Variants in APBB1IP observed in about 807,000 individuals in gnomAD.
APBB1IP encodes the protein amyloid beta precursor protein binding family B member 1 interacting protein.
Under a neutral mutation model 64.9 loss-of-function variants are expected in APBB1IP, and 27 were observed. The ratio of observed to expected loss-of-function variants is 0.42; its 90% CI spans 0.31 to 0.57. APBB1IP has a LOEUF of 0.57. Ranked by LOEUF, APBB1IP falls within the 20% of genes least tolerant of loss-of-function variation. The pLI, the probability that APBB1IP is intolerant of heterozygous loss-of-function variation, is 0.20. For synonymous variants in APBB1IP, 392 were observed against 331.0 expected, an observed-to-expected ratio of 1.18 and a Z score of -2.00; for missense variants, 812 against 845.5, an observed-to-expected ratio of 0.96 and a Z score of 0.49.
intron 8 of APBB1IP, among the ~76,000 whole-genome samples, chr10:26,529,986 A>G (rs1836528307): frequency 6.6e-6 from 1 of 152,158 alleles, no homozygotes; most frequent in South Asian, 2.1e-4. Flanking sequence ...AGTTCATCAT[A>G]CGTGATTCAA....
At chr10:26,543,044 A>C (rs192674935) in intron 11 of APBB1IP, among the ~76,000 whole-genome samples, 2 of 150,436 alleles carry the variant, frequency 1.3e-5, no homozygotes, top group East Asian at 3.9e-4. Context: ...CTGGCCCCCA[A>C]TGTCAACAGT....
At chr10:26,454,741 T>C (rs765439885) in intron 2 of APBB1IP, among the ~76,000 whole-genome samples, 3 of 152,174 alleles carry the variant, frequency 2.0e-5, no homozygotes, top group Non-Finnish European at 4.4e-5. Flanking sequence ...TTGTAACACA[T>C]AGGATAAATG....
intron 10 of APBB1IP, among the ~76,000 whole-genome samples, chr10:26,536,842 A>G (rs1467552348): frequency 6.6e-6 from 1 of 151,714 alleles, no homozygotes; most frequent in Non-Finnish European, 1.5e-5. Context: ...CCTGAGCTCA[A>G]GCAATCTGCC....
intron 2 of APBB1IP, among the ~76,000 whole-genome samples, chr10:26,473,999 CAAAAAAA>C (rs35712977): frequency 3.0e-5 from 2 of 67,356 alleles, no homozygotes; most frequent in Non-Finnish European, 5.8e-5. Context: ...CACCCTGTCT[CAAAAAAA>C]AAAAAAAAAA....
intron 8 of APBB1IP, among the ~76,000 whole-genome samples, chr10:26,531,807 C>G (rs1002641504): frequency 6.6e-6 from 1 of 152,100 alleles, no homozygotes; most frequent in African/African-American, 2.4e-5. Flanking sequence ...CATGACCAGG[C>G]ATGGTGCACA....
intron 2 of APBB1IP, among the ~76,000 whole-genome samples, chr10:26,460,968 C>A (rs540724969): frequency 1.3e-5 from 2 of 152,160 alleles, no homozygotes; most frequent in Non-Finnish European, 2.9e-5. Context: ...TTTCCACCTC[C>A]TAGGTCTCAT....
chr10:26,522,865 A>T (rs1041596045), intron 8 of APBB1IP, among the ~76,000 whole-genome samples: 4 of 151,992 alleles, frequency 2.6e-5, no homozygotes, highest in Admixed American at 6.6e-5. Flanking sequence ...TTAGCTGGGC[A>T]TGGTGGCACA....
rs748249745 is a variant in APBB1IP, at chr10:26,567,153, C to T, written c.1666C>T (p.Pro556Ser). ...LPAPPDDFLP[P>S]PPPPPPLDDP... is the part of the protein sequence containing the mutation. ...CGCCCCACCCGACGACTTCCTGCCGCCGCCGCCACCGCCGCCGCCCCTCGA... is the reference window on the plus strand; with the variant it reads ...CGCCCCACCCGACGACTTCCTGCCGTCGCCGCCACCGCCGCCGCCCCTCGA... The change falls in exon 15 of 15, where the codon CCG becomes TCG. Residue 556 changes from proline (P) to serine (S), a missense_variant. By Grantham distance (74) the Pro-to-Ser change is moderately conservative. Around this residue, in one of 3 missense-constraint regions of APBB1IP, gnomAD observed 381 missense variants for 352.1 expected, o/e 1.08. Coordinates refer to ENST00000376236, the MANE Select transcript of APBB1IP (RefSeq NM_019043.4). 7.1e-7 allele frequency: 1 copy of T among 1,413,264 alleles called. No individual in the cohort carries two copies. 87.5% of individuals were successfully genotyped at this position (1,413,264 alleles called of 1,614,324 possible).
intron 11 of APBB1IP, among the ~76,000 whole-genome samples, chr10:26,546,036 G>A (rs75147623): frequency 0.015 from 2,212 of 152,278 alleles, 26 homozygotes; most frequent in Non-Finnish European, 0.019. Context: ...TGATGACTAT[G>A]GCTGTTCATG....
chr10:26,446,252 G>GT (rs1400783294), intron 2 of APBB1IP, among the ~76,000 whole-genome samples: 1 of 152,106 alleles, frequency 6.6e-6, no homozygotes, highest in East Asian at 1.9e-4. Flanking sequence ...ACATTCACAG[G>GT]TGACAGTTAG....
chr10:26,543,013 A>T (rs1479623328), intron 11 of APBB1IP, among the ~76,000 whole-genome samples: 3 of 144,650 alleles, frequency 2.1e-5, no homozygotes, highest in Admixed American at 7.1e-5. Flanking sequence ...GCACAAGAAA[A>T]CCCCCACACC....
intron 11 of APBB1IP, among the ~76,000 whole-genome samples, chr10:26,548,547 C>T (rs1836794944): frequency 6.6e-6 from 1 of 152,102 alleles, no homozygotes; most frequent in East Asian, 1.9e-4. Context: ...TAGTTTTCGT[C>T]ATAGAGCTCT....
intron 8 of APBB1IP, among the ~76,000 whole-genome samples, chr10:26,523,620 G>A (rs965142273): frequency 2.6e-5 from 4 of 152,052 alleles, no homozygotes; most frequent in Admixed American, 2.6e-4. Context: ...GCATGCTCTT[G>A]GAGGGGCTTC....
intron 2 of APBB1IP, among the ~76,000 whole-genome samples, chr10:26,466,934 G>GA (rs113933686): frequency 1.2e-3 from 170 of 144,854 alleles, no homozygotes; most frequent in African/African-American, 1.8e-3. Flanking sequence ...AGACCCTATG[G>GA]AAAAAAAAAA....
chr10:26,540,654 C>T (rs1036341055), intron 10 of APBB1IP, among the ~76,000 whole-genome samples: 1 of 152,098 alleles, frequency 6.6e-6, no homozygotes, highest in African/African-American at 2.4e-5. Context: ...ATAGTTCTGC[C>T]ATCTATTCTT....
At chr10:26,467,096 G>T (rs1215805540) in intron 2 of APBB1IP, among the ~76,000 whole-genome samples, 5 of 151,904 alleles carry the variant, frequency 3.3e-5, no homozygotes, top group Admixed American at 2.6e-4. Flanking sequence ...TATAGAGATG[G>T]GGTTTCACCA....
At chr10:26,470,379 A>G (rs1012208244) in intron 2 of APBB1IP, among the ~76,000 whole-genome samples, 15 of 152,090 alleles carry the variant, frequency 9.9e-5, no homozygotes, top group Admixed American at 7.2e-4. Flanking sequence ...TCTACTAAAA[A>G]TACAAAAAAA....
intron 8 of APBB1IP, among the ~76,000 whole-genome samples, chr10:26,521,007 G>A (rs1836394664): frequency 1.3e-5 from 2 of 152,272 alleles, no homozygotes; most frequent in African/African-American, 2.4e-5. Flanking sequence ...AATTCCAAAA[G>A]GATAACTTGT....
intron 2 of APBB1IP, among the ~76,000 whole-genome samples, chr10:26,457,358 T>A (rs1303733689): frequency 2.0e-5 from 3 of 152,234 alleles, no homozygotes; most frequent in Admixed American, 2.0e-4. Context: ...CAGGCTGGTC[T>A]TGAACTCTTG....
Sources: allele counts gnomAD v4.1 joint callset (sites outside exome capture counted in the v4.1 genomes callset), GRCh38; gene constraint gnomAD v4.1.1; regional missense constraint gnomAD v4.1.1; transcripts MANE v1.5; gene names NCBI Gene and HGNC (gene_info 2026-07-23, HGNC 2026-07-21).